The following PBX1 variants were observed in gnomAD, a reference collection of about 807,000 sequenced individuals.
The protein encoded by PBX1 is pre-B-cell leukemia transcription factor 1.
In PBX1, 6 loss-of-function variants were observed where a neutral mutation model predicts 53.4. The ratio of observed to expected loss-of-function variants is 0.11; its 90% CI spans 0.06 to 0.22. The LOEUF (loss-of-function observed/expected upper bound fraction) is 0.22. PBX1 is among the 10% of genes least tolerant of loss of function. The pLI is 1.00. For missense variants in PBX1, 251 were observed against 551.4 expected, an observed-to-expected ratio of 0.46 and a Z score of 5.46; for synonymous variants, 204 against 212.3, an observed-to-expected ratio of 0.96 and a Z score of 0.34.
chr1:164,602,303 A>G (rs548477828), intron 2 of PBX1, among the ~76,000 whole-genome samples: 8 of 152,274 alleles, frequency 5.3e-5, no homozygotes, highest in Admixed American at 3.3e-4. Flanking sequence ...CCTCCAAGCC[A>G]TCTCCCCTCA....
intron 2 of PBX1, among the ~76,000 whole-genome samples, chr1:164,859,531 C>T (rs1381409816): frequency 1.3e-5 from 2 of 152,214 alleles, no homozygotes; most frequent in African/African-American, 4.8e-5. Flanking sequence ...CTGCTTTATT[C>T]AGATTGTCTA....
At chr1:164,718,874 A>G (rs1164373392) in intron 2 of PBX1, among the ~76,000 whole-genome samples, 1 of 152,224 alleles carries the variant, frequency 6.6e-6, no homozygotes, top group African/African-American at 2.4e-5. Context: ...CAAGTAAGGC[A>G]TAATTTTGGT....
At chr1:164,611,395 G>A (rs965439451) in intron 2 of PBX1, among the ~76,000 whole-genome samples, 12 of 152,120 alleles carry the variant, frequency 7.9e-5, no homozygotes. Context: ...CCGCCACCAC[G>A]CCCGGCTAAT....
intron 2 of PBX1, among the ~76,000 whole-genome samples, chr1:164,670,739 A>G (rs1011286188): frequency 1.3e-5 from 2 of 151,708 alleles, no homozygotes; most frequent in African/African-American, 4.9e-5. Context: ...AATAGCAGAG[A>G]GAGGAAAAAG....
intron 8 of PBX1, among the ~76,000 whole-genome samples, chr1:164,836,811 C>T (rs747978963): frequency 6.6e-6 from 1 of 152,076 alleles, no homozygotes; most frequent in African/African-American, 2.4e-5. Flanking sequence ...TGGTGCGTCA[C>T]GGAAGATAAG....
At chr1:164,679,552 A>G (rs1302000813) in intron 2 of PBX1, among the ~76,000 whole-genome samples, 1 of 152,198 alleles carries the variant, frequency 6.6e-6, no homozygotes, top group Non-Finnish European at 1.5e-5. Flanking sequence ...TTTTATTTAT[A>G]AAGTCACAAT....
intron 2 of PBX1, among the ~76,000 whole-genome samples, chr1:164,715,835 T>C (rs1305010441): frequency 6.6e-6 from 1 of 152,216 alleles, no homozygotes; most frequent in African/African-American, 2.4e-5. Context: ...CTTAAAAATC[T>C]GTATCTTTGG....
chr1:164,648,464 G>A (rs1020376796), intron 2 of PBX1, among the ~76,000 whole-genome samples: 17 of 152,282 alleles, frequency 1.1e-4, no homozygotes, highest in African/African-American at 1.7e-4. Context: ...GCCAGCTACC[G>A]TTGTAGGGAA....
At chr1:164,582,625 A>G (rs1195825589) in intron 2 of PBX1, among the ~76,000 whole-genome samples, 3 of 151,840 alleles carry the variant, frequency 2.0e-5, no homozygotes, top group African/African-American at 7.3e-5. Context: ...GTTTCATCAT[A>G]TTGGTCAGGT....
intron 2 of PBX1, among the ~76,000 whole-genome samples, chr1:164,564,313 A>C (rs1039380318): frequency 1.3e-5 from 2 of 152,122 alleles, no homozygotes; most frequent in Admixed American, 1.3e-4. Context: ...ATTCATATCT[A>C]AACCATATAA....
chr1:164,871,386 C>T (rs765050707), intron 2 of PBX1, among the ~76,000 whole-genome samples: 1 of 152,156 alleles, frequency 6.6e-6, no homozygotes, highest in Non-Finnish European at 1.5e-5. Flanking sequence ...AACTTATTGG[C>T]CCAATAAAGC....
intron 2 of PBX1, among the ~76,000 whole-genome samples, chr1:164,652,423 C>T (rs1004515549): frequency 2.6e-5 from 4 of 152,042 alleles, no homozygotes; most frequent in Admixed American, 6.6e-5. Context: ...AAGCATTTTC[C>T]TTTATATTAT....
chr1:164,587,793 C>T lies in PBX1; in HGVS notation c.265+24482C>T, dbSNP rs79281503. ...GCAGTCCGGCACATACAGCCTCACA[C>T]GCGCCACACCAGGGGGTGTCCCCAG... On this transcript the variant is annotated intron_variant, in intron 2 of 8. Coordinates refer to ENST00000420696, the MANE Select transcript of PBX1 (RefSeq NM_002585.4). 3.8e-3 allele frequency among the ~76,000 whole-genome samples: 580 copies of T among 152,298 alleles called. 3 individuals are homozygous for T. Among genetic ancestry groups the T allele is most frequent in the Middle Eastern group, 0.01 (3 of 294 alleles).
intron 2 of PBX1, among the ~76,000 whole-genome samples, chr1:164,733,926 G>T (rs1311781229): frequency 6.6e-6 from 1 of 152,136 alleles, no homozygotes; most frequent in Non-Finnish European, 1.5e-5. Flanking sequence ...TGCTGAATCG[G>T]CAGAAATGTT....
chr1:164,862,692 G>A (rs201792720), intron 2 of PBX1, among the ~76,000 whole-genome samples: 1 of 152,040 alleles, frequency 6.6e-6, no homozygotes, highest in Admixed American at 6.6e-5. Flanking sequence ...CATAGTATAG[G>A]GCTTCATCTG....
intron 2 of PBX1, among the ~76,000 whole-genome samples, chr1:164,621,204 G>A (rs915745528): frequency 2.0e-5 from 3 of 150,842 alleles, no homozygotes; most frequent in Non-Finnish European, 4.4e-5. Context: ...GGCCTGGATG[G>A]TCTCGATCTC....
At chr1:164,754,276 C>T (rs1666387715) in intron 2 of PBX1, among the ~76,000 whole-genome samples, 1 of 152,128 alleles carries the variant, frequency 6.6e-6, no homozygotes, top group South Asian at 2.1e-4. Flanking sequence ...TTTCTTGAAG[C>T]CAGTGCTGGA....
chr1:164,733,924 C>T (rs368192856), intron 2 of PBX1, among the ~76,000 whole-genome samples: 3 of 152,130 alleles, frequency 2.0e-5, no homozygotes, highest in East Asian at 1.9e-4. Context: ...TTTGCTGAAT[C>T]GGCAGAAATG....
chr1:164,820,067 T>A lies in PBX1; in HGVS notation c.998-5T>A. 1 of 1,591,038 alleles carries A rather than the reference T, an allele frequency of 6.3e-7. No individual in the cohort carries two copies. The highest frequency in any genetic ancestry group is 8.6e-7 in the Non-Finnish European group (1 of 1,159,630). Reference sequence around the variant, plus strand: ...GATTCAGGTGCCTCACTCTTTCCTTTCCAGGTTCTTCCAGTTCTTTTAACA... The same window carrying A: ...GATTCAGGTGCCTCACTCTTTCCTTACCAGGTTCTTCCAGTTCTTTTAACA... On this transcript the variant is annotated splice_region_variant and splice_polypyrimidine_tract_variant and intron_variant, in intron 6 of 8. Transcript: ENST00000420696.
Sources: gnomAD v4.1 joint callset for allele counts (sites outside exome capture counted in the v4.1 genomes callset) on GRCh38, gnomAD v4.1.1 for gene constraint, MANE v1.5 for transcripts, NCBI Gene and HGNC (gene_info 2026-07-23, HGNC 2026-07-21) for gene names.